The following ESR1 variants were observed in gnomAD, a reference collection of about 807,000 sequenced individuals.
ESR1 encodes the protein estrogen receptor 1.
In ESR1, 12 loss-of-function variants were observed where a neutral mutation model predicts 52.7. The ratio of observed to expected loss-of-function variants is 0.23; its 90% CI spans 0.15 to 0.37. The LOEUF (loss-of-function observed/expected upper bound fraction) is 0.37. Ranked by LOEUF, ESR1 falls within the 10% of genes least tolerant of loss-of-function variation. The pLI is 1.00. For synonymous variants in ESR1, 305 were observed against 316.8 expected (o/e 0.96, Z 0.39); for missense variants, 584 against 779.7 (o/e 0.75, Z 2.99).
intron 5 of ESR1, among the ~76,000 whole-genome samples, chr6:152,041,073 T>C (rs1354247265): frequency 1.3e-5 from 2 of 152,214 alleles, no homozygotes; most frequent in East Asian, 3.8e-4. Flanking sequence ...ATACAGTTTC[T>C]ACCAAAGCAC....
chr6:151,802,323 A>G (rs950141174), upstream of ESR1, among the ~76,000 whole-genome samples: 2 of 152,246 alleles, frequency 1.3e-5, no homozygotes, highest in Non-Finnish European at 2.9e-5. Context: ...TAAATGCTCA[A>G]AAATAAGCTT....
intron 2 of ESR1, among the ~76,000 whole-genome samples, chr6:151,779,414 CAT>C (rs1786316676): frequency 6.6e-6 from 1 of 151,920 alleles, no homozygotes; most frequent in African/African-American, 2.4e-5. Context: ...AGCCAACAAA[CAT>C]ATGAAAAAAA....
intron 2 of ESR1, among the ~76,000 whole-genome samples, chr6:151,880,253 G>T (rs910881995): frequency 7.1e-6 from 1 of 141,350 alleles, no homozygotes; most frequent in Non-Finnish European, 1.5e-5. Context: ...CGCAATCTCG[G>T]CTCACTGCAA....
chr6:151,707,013 T>C (rs1014952388), intron 2 of ESR1, among the ~76,000 whole-genome samples: 2 of 152,162 alleles, frequency 1.3e-5, no homozygotes, highest in African/African-American at 4.8e-5. Flanking sequence ...ATCCAAGGGA[T>C]GTAAGCCGTG....
intron 6 of ESR1, among the ~76,000 whole-genome samples, chr6:152,120,980 ACT>A (rs970946419): frequency 2.0e-5 from 3 of 151,316 alleles, no homozygotes; most frequent in African/African-American, 7.3e-5. Flanking sequence ...AAGAGGAGAT[ACT>A]CTCTCTCTCT....
intron 5 of ESR1, among the ~76,000 whole-genome samples, chr6:152,013,044 T>G (rs2042906342): frequency 6.6e-6 from 1 of 152,232 alleles, no homozygotes; most frequent in African/African-American, 2.4e-5. Context: ...TTTTGCTGTC[T>G]GTGGAATATA....
chr6:151,731,217 G>A (rs960559904), intron 2 of ESR1, among the ~76,000 whole-genome samples: 44 of 152,196 alleles, frequency 2.9e-4, no homozygotes, highest in African/African-American at 2.4e-4. Flanking sequence ...TTAGCTGGGC[G>A]TGGTGGTGCA....
chr6:152,044,087 C>T (rs2046027019), intron 5 of ESR1, among the ~76,000 whole-genome samples: 1 of 152,130 alleles, frequency 6.6e-6, no homozygotes, highest in Admixed American at 6.5e-5. Flanking sequence ...TTAGGAGCAA[C>T]CAACTAGCTT....
chr6:151,729,372 T>G (rs2128037297), intron 2 of ESR1, among the ~76,000 whole-genome samples: 1 of 152,298 alleles, frequency 6.6e-6, no homozygotes, highest in Non-Finnish European at 1.5e-5. Context: ...GTCTATAGTG[T>G]GTTTTGTTTT....
intron 4 of ESR1, among the ~76,000 whole-genome samples, chr6:152,007,933 A>T (rs2128763413): frequency 6.6e-6 from 1 of 152,282 alleles, no homozygotes; most frequent in Non-Finnish European, 1.5e-5. Flanking sequence ...TAGCAGGTTC[A>T]TTTGGAATTG....
At chr6:151,969,723 G>A (rs2128629940) in intron 4 of ESR1, among the ~76,000 whole-genome samples, 1 of 152,264 alleles carries the variant, frequency 6.6e-6, no homozygotes, top group East Asian at 1.9e-4. Context: ...GACTTGCTTA[G>A]CCTGTTTCCA....
intron 3 of ESR1, among the ~76,000 whole-genome samples, chr6:151,915,890 G>C (rs2030009312): frequency 6.6e-6 from 1 of 151,676 alleles, no homozygotes; most frequent in African/African-American, 2.4e-5. Context: ...CAGTAGTTAT[G>C]TCAGGTTGCT....
At chr6:151,751,931 A>C (rs1434105148) in intron 2 of ESR1, among the ~76,000 whole-genome samples, 1 of 152,210 alleles carries the variant, frequency 6.6e-6, no homozygotes. Flanking sequence ...TTTTAATGAG[A>C]ATATTTAATA....
chr6:151,981,888 G>A lies in ESR1; in HGVS notation c.1097-29768G>A, dbSNP rs139247814. On this transcript the variant is annotated intron_variant, in intron 4 of 7. Transcript: ENST00000206249. ...TTCCTAAACATGTTTTCCTCAAAAG[G>A]GGACATATTTCTTGGGTCAGATGTA... Among the ~76,000 whole-genome samples, 437 of 152,266 alleles carry A rather than the reference G, an allele frequency of 2.9e-3. 3 individuals carry two copies. Among genetic ancestry groups the A allele is most frequent in the African/African-American group, 0.01 (418 of 41,562 alleles).
chr6:151,920,131 G>T (rs917755406), intron 3 of ESR1, among the ~76,000 whole-genome samples: 10 of 152,056 alleles, frequency 6.6e-5, no homozygotes, highest in Non-Finnish European at 1.0e-4. Flanking sequence ...TACATACAAT[G>T]CAATCATTAT....
chr6:151,997,270 T>TA (rs2041579033), intron 4 of ESR1, among the ~76,000 whole-genome samples: 1 of 152,106 alleles, frequency 6.6e-6, no homozygotes, highest in African/African-American at 2.4e-5. Context: ...TTAAATCCAT[T>TA]CAATCAACAC....
At chr6:151,920,051 A>G (rs903883823) in intron 3 of ESR1, among the ~76,000 whole-genome samples, 4 of 152,212 alleles carry the variant, frequency 2.6e-5, no homozygotes, top group Non-Finnish European at 4.4e-5. Flanking sequence ...GAATCTTTGT[A>G]GTTTTTATTT....
downstream of ESR1, among the ~76,000 whole-genome samples, chr6:152,105,588 G>C (rs2051055142): frequency 6.6e-6 from 1 of 151,340 alleles, no homozygotes; most frequent in Non-Finnish European, 1.5e-5. Flanking sequence ...ACCACACCTG[G>C]TTAATTTTTA....
chr6:151,989,319 C>T (rs2040801199), intron 4 of ESR1, among the ~76,000 whole-genome samples: 1 of 152,022 alleles, frequency 6.6e-6, no homozygotes, highest in African/African-American at 2.4e-5. Flanking sequence ...GATGATCCAG[C>T]ACAGGTTTAA....
Sources: gnomAD v4.1 joint callset for allele counts (sites outside exome capture counted in the v4.1 genomes callset) on GRCh38, gnomAD v4.1.1 for gene constraint, MANE v1.5 for transcripts, NCBI Gene and HGNC (gene_info 2026-07-23, HGNC 2026-07-21) for gene names.